LIPC: variants seen among roughly 807,000 people sequenced by gnomAD.
The protein encoded by LIPC is hepatic triacylglycerol lipase.
Under a neutral mutation model 50.7 loss-of-function variants are expected in LIPC, and 44 were observed. The ratio of observed to expected loss-of-function variants is 0.87; its 90% CI spans 0.68 to 1.11. The LOEUF (loss-of-function observed/expected upper bound fraction) is 1.11, where lower values mean the gene tolerates loss of function less well. Among genes scored for constraint, LIPC ranks in the 50% most tolerant of loss-of-function variants. LIPC has a pLI of 0.00. For synonymous variants in LIPC, 271 were observed against 256.4 expected (o/e 1.06, Z -0.54); for missense variants, 697 against 648.2 (o/e 1.08, Z -0.82).
At chr15:58,517,907 C>T (rs1388002205) in intron 1 of LIPC, among the ~76,000 whole-genome samples, 1 of 152,218 alleles carries the variant, frequency 6.6e-6, no homozygotes, top group African/African-American at 2.4e-5. Context: ...TAAATGATCT[C>T]AACAAGGTCA....
intron 1 of LIPC, among the ~76,000 whole-genome samples, chr15:58,451,727 C>A (rs574360335): frequency 6.6e-6 from 1 of 152,088 alleles, no homozygotes; most frequent in Admixed American, 6.5e-5. Flanking sequence ...GCCAGCAGAC[C>A]GTGGAGGACT....
chr15:58,450,480 C>G (rs1893861291), intron 1 of LIPC, among the ~76,000 whole-genome samples: 1 of 152,150 alleles, frequency 6.6e-6, no homozygotes, highest in South Asian at 2.1e-4. Flanking sequence ...CAGTGTTTGG[C>G]ACTTGGGAAA....
chr15:58,495,535 G>T (rs1420999088), intron 1 of LIPC, among the ~76,000 whole-genome samples: 1 of 152,224 alleles, frequency 6.6e-6, no homozygotes, highest in African/African-American at 2.4e-5. Flanking sequence ...TCAAGTACTT[G>T]CTCTGTGTGC....
At chr15:58,546,611 C>A (rs1893538600) in intron 5 of LIPC, among the ~76,000 whole-genome samples, 1 of 152,168 alleles carries the variant, frequency 6.6e-6, no homozygotes, top group Non-Finnish European at 1.5e-5. Flanking sequence ...TGATAATATG[C>A]ACAGGATTAA....
chr15:58,471,226 T>C (rs981970665), intron 1 of LIPC, among the ~76,000 whole-genome samples: 1 of 136,576 alleles, frequency 7.3e-6, no homozygotes, highest in Non-Finnish European at 1.5e-5. Context: ...AACCTCTACC[T>C]CCCAGATTCA....
At chr15:58,517,942 G>T (rs1204975700) in intron 1 of LIPC, among the ~76,000 whole-genome samples, 1 of 152,168 alleles carries the variant, frequency 6.6e-6, no homozygotes, top group Non-Finnish European at 1.5e-5. Flanking sequence ...GCAAAGTGGG[G>T]CCCTGAACCC....
intron 1 of LIPC, among the ~76,000 whole-genome samples, chr15:58,496,306 A>G (rs1193383786): frequency 6.6e-6 from 1 of 152,186 alleles, no homozygotes; most frequent in Non-Finnish European, 1.5e-5. Flanking sequence ...CAAAATGTCA[A>G]TAGTTCTGAA....
intron 2 of LIPC, among the ~76,000 whole-genome samples, chr15:58,539,738 C>T: frequency 6.6e-6 from 1 of 152,144 alleles, no homozygotes; most frequent in East Asian, 1.9e-4. Flanking sequence ...CAACATCTAA[C>T]TGCTTGTATT....
chr15:58,445,026 T>C (rs887078499), intron 1 of LIPC, among the ~76,000 whole-genome samples: 7 of 152,154 alleles, frequency 4.6e-5, no homozygotes, highest in Non-Finnish European at 7.4e-5. Context: ...GGGCCTGTGC[T>C]GAAAGGTGCA....
intron 1 of LIPC, among the ~76,000 whole-genome samples, chr15:58,486,553 G>C (rs2140790837): frequency 6.6e-6 from 1 of 152,272 alleles, no homozygotes; most frequent in East Asian, 1.9e-4. Flanking sequence ...TCTAGGCCTG[G>C]TACAGACCAG....
intron 6 of LIPC, among the ~76,000 whole-genome samples, chr15:58,552,554 C>T (rs532292481): frequency 6.6e-6 from 1 of 152,338 alleles, no homozygotes; most frequent in East Asian, 1.9e-4. Flanking sequence ...CCCTCACCCA[C>T]GGCCCTGCAC....
At chr15:58,469,781 A>C (rs1427515412) in intron 1 of LIPC, among the ~76,000 whole-genome samples, 1 of 152,218 alleles carries the variant, frequency 6.6e-6, no homozygotes, top group African/African-American at 2.4e-5. Context: ...AGTTACTAAC[A>C]AAGCTCGTTG....
chr15:58,444,776 C>T (rs1399287582), intron 1 of LIPC, among the ~76,000 whole-genome samples: 3 of 152,176 alleles, frequency 2.0e-5, no homozygotes, highest in African/African-American at 4.8e-5. Flanking sequence ...GTTAGAACTT[C>T]AATGTATGAA....
At chr15:58,517,890 C>T (rs72743015) in intron 1 of LIPC, among the ~76,000 whole-genome samples, 6 of 152,000 alleles carry the variant, frequency 3.9e-5, no homozygotes, top group South Asian at 2.1e-4. Flanking sequence ...ATCAGCCTTG[C>T]GGAGGTTAAA....
chr15:58,457,173 G>A (rs1006262641), intron 1 of LIPC, among the ~76,000 whole-genome samples: 5 of 152,272 alleles, frequency 3.3e-5, no homozygotes, highest in South Asian at 2.1e-4. Flanking sequence ...GCAAAGGTGC[G>A]ATCTTGGCTC....
At chr15:58,437,426 T>C (rs1173031034) in intron 1 of LIPC, among the ~76,000 whole-genome samples, 1 of 152,130 alleles carries the variant, frequency 6.6e-6, no homozygotes, top group Admixed American at 6.5e-5. Flanking sequence ...TGTTGAATCA[T>C]AATTATGAAA....
At chr15:58,461,525 C>T (rs940123244) in intron 1 of LIPC, among the ~76,000 whole-genome samples, 1 of 152,182 alleles carries the variant, frequency 6.6e-6, no homozygotes, top group Non-Finnish European at 1.5e-5. Context: ...TCTCCTGCCT[C>T]AGCCTCCCGA....
intron 1 of LIPC, among the ~76,000 whole-genome samples, chr15:58,484,320 C>A (rs1462594879): frequency 6.6e-6 from 1 of 152,206 alleles, no homozygotes; most frequent in African/African-American, 2.4e-5. Context: ...TAGAAAAATG[C>A]CTTAGCATTC....
At chr15:58,456,572 G>T (rs1391875136) in intron 1 of LIPC, among the ~76,000 whole-genome samples, 1 of 152,200 alleles carries the variant, frequency 6.6e-6, no homozygotes, top group Non-Finnish European at 1.5e-5. Context: ...AGAGACTAGG[G>T]GTGTCACTCC....
Sources: gnomAD v4.1 joint callset for allele counts (sites outside exome capture counted in the v4.1 genomes callset) on GRCh38, gnomAD v4.1.1 for gene constraint, MANE v1.5 for transcripts, NCBI Gene and HGNC (gene_info 2026-07-23, HGNC 2026-07-21) for gene names.